The following MAGI2 variants were observed in gnomAD, a reference collection of about 807,000 sequenced individuals.
The protein encoded by MAGI2 is membrane-associated guanylate kinase, WW and PDZ domain-containing protein 2.
In MAGI2, 35 loss-of-function variants were observed where a neutral mutation model predicts 133.3. The ratio of observed to expected loss-of-function variants is 0.26; its 90% confidence interval spans 0.20 to 0.35. The LOEUF (loss-of-function observed/expected upper bound fraction) is 0.35. Ranked by LOEUF, MAGI2 falls within the 10% of genes least tolerant of loss-of-function variation. The pLI is 1.00. For synonymous variants in MAGI2, 729 were observed against 710.6 expected, an observed-to-expected ratio of 1.03 and a Z score of -0.41; for missense variants, 1,636 against 1,863.4, an observed-to-expected ratio of 0.88 and a Z score of 2.25.
intron 21 of MAGI2, among the ~76,000 whole-genome samples, chr7:78,070,552 G>T (rs542983474): frequency 4.7e-5 from 5 of 106,210 alleles, no homozygotes; most frequent in Non-Finnish European, 9.7e-5. Flanking sequence ...GTATATATGT[G>T]TATATATGTA....
intron 1 of MAGI2, among the ~76,000 whole-genome samples, chr7:79,331,441 G>A (rs889373499): frequency 6.6e-6 from 1 of 151,998 alleles, no homozygotes; most frequent in African/African-American, 2.4e-5. Flanking sequence ...AAATACCAAC[G>A]TAGACATTTG....
At chr7:78,534,692 T>C (rs74686970) in intron 3 of MAGI2, among the ~76,000 whole-genome samples, 7,115 of 152,308 alleles carry the variant, frequency 0.047, 651 homozygotes, top group East Asian at 0.41. Flanking sequence ...GTAGAACTGA[T>C]AGCAGGTTTA....
At chr7:79,121,344 C>A (rs1469327896) in intron 1 of MAGI2, among the ~76,000 whole-genome samples, 1 of 152,068 alleles carries the variant, frequency 6.6e-6, no homozygotes, top group Non-Finnish European at 1.5e-5. Context: ...CTCTTGTATG[C>A]TTTACTTGGT....
At chr7:79,111,266 T>C (rs950942338) in intron 1 of MAGI2, among the ~76,000 whole-genome samples, 1 of 152,226 alleles carries the variant, frequency 6.6e-6, no homozygotes, top group African/African-American at 2.4e-5. Flanking sequence ...TTATTTTAAC[T>C]TGATTTGAAA....
chr7:78,506,879 G>A (rs1795137996), intron 4 of MAGI2, among the ~76,000 whole-genome samples: 1 of 152,164 alleles, frequency 6.6e-6, no homozygotes, highest in Non-Finnish European at 1.5e-5. Context: ...TCCTTCTACT[G>A]TATAATACCA....
chr7:78,229,858 T>C (rs1183749077), intron 10 of MAGI2, among the ~76,000 whole-genome samples: 1 of 152,058 alleles, frequency 6.6e-6, no homozygotes, highest in Non-Finnish European at 1.5e-5. Flanking sequence ...AGATGAAAAC[T>C]GAGACTCCAG....
chr7:79,151,896 A>T (rs1823283193), intron 1 of MAGI2, among the ~76,000 whole-genome samples: 1 of 70,464 alleles, frequency 1.4e-5, no homozygotes, highest in Non-Finnish European at 5.4e-5. Flanking sequence ...AGGTGTCTAA[A>T]GTCCAGAAAT....
chr7:78,805,047 G>A (rs1364103852), intron 2 of MAGI2, among the ~76,000 whole-genome samples: 8 of 149,348 alleles, frequency 5.4e-5, no homozygotes, highest in Non-Finnish European at 1.0e-4. Context: ...CAGCCTGGGC[G>A]ACAGCAAGAC....
rs1176426138 is a variant in MAGI2 at position 79,416,725 on chromosome 7, C to CTTTT, written c.301+36291_301+36294dup. 2.5e-4 allele frequency among the ~76,000 whole-genome samples: 26 copies of CTTTT among 102,462 alleles called. 11 individuals are homozygous for CTTTT. The highest frequency in any genetic ancestry group is 6.4e-4 in the East Asian group (2 of 3,134). 67.2% of individuals were successfully genotyped at this position (102,462 alleles called of 152,430 possible). On this transcript the variant is annotated intron_variant, in intron 1 of 21. Transcript: ENST00000354212. Reference sequence around the variant, plus strand: ...TTCTTTTTTCTTTTCTTTTCTTTTTCTTTTTCTTTTTTTTTTTTTGAGGTG... The same window carrying CTTTT: ...TTCTTTTTTCTTTTCTTTTCTTTTTCTTTTTTTTTCTTTTTTTTTTTTTGAGGTG...
chr7:79,362,231 G>A (rs1842420301), intron 1 of MAGI2, among the ~76,000 whole-genome samples: 1 of 151,898 alleles, frequency 6.6e-6, no homozygotes, highest in Non-Finnish European at 1.5e-5. Context: ...AGATAGTAAG[G>A]AAATGCTATG....
At chr7:79,235,277 G>A (rs554536679) in intron 1 of MAGI2, among the ~76,000 whole-genome samples, 106 of 152,326 alleles carry the variant, frequency 7.0e-4, no homozygotes, top group Non-Finnish European at 1.1e-3. Flanking sequence ...CAGAGGTGGA[G>A]CCTAGAGAGG....
intron 3 of MAGI2, among the ~76,000 whole-genome samples, chr7:78,597,574 G>A (rs866728615): frequency 3.4e-4 from 52 of 152,242 alleles, no homozygotes; most frequent in African/African-American, 1.2e-3. Flanking sequence ...GAGAAATAAA[G>A]GGAAAGGCAG....
chr7:79,308,469 AC>A (rs1837997755), intron 1 of MAGI2, among the ~76,000 whole-genome samples: 1 of 152,120 alleles, frequency 6.6e-6, no homozygotes. Flanking sequence ...CCCTTCCTCC[AC>A]ATCAGTGGCC....
chr7:78,972,173 T>A (rs985405837), intron 2 of MAGI2, among the ~76,000 whole-genome samples: 9 of 151,924 alleles, frequency 5.9e-5, no homozygotes, highest in Admixed American at 2.0e-4. Context: ...AAAAGAGCCA[T>A]CAGACTTAAT....
At chr7:78,928,407 T>TAA (rs58577482) in intron 2 of MAGI2, among the ~76,000 whole-genome samples, 1 of 148,176 alleles carries the variant, frequency 6.7e-6, no homozygotes, top group Admixed American at 6.8e-5. Flanking sequence ...ACTAATTAAT[T>TAA]AAAAAAAAAA....
chr7:78,348,649 C>T (rs1562866818), intron 7 of MAGI2, among the ~76,000 whole-genome samples: 1 of 152,096 alleles, frequency 6.6e-6, no homozygotes, highest in Non-Finnish European at 1.5e-5. Context: ...AAGCATTTAT[C>T]CTTTAAGTAA....
chr7:78,385,736 GAA>G (rs1222396026), intron 6 of MAGI2, among the ~76,000 whole-genome samples: 1 of 152,096 alleles, frequency 6.6e-6, no homozygotes, highest in African/African-American at 2.4e-5. Context: ...ACGTTGACTT[GAA>G]AGAACATAAG....
At chr7:78,799,699 G>C (rs1015414462) in intron 2 of MAGI2, among the ~76,000 whole-genome samples, 1 of 152,138 alleles carries the variant, frequency 6.6e-6, no homozygotes, top group Admixed American at 6.6e-5. Context: ...CAGTTTTAAA[G>C]TAGTAAGTCT....
intron 2 of MAGI2, among the ~76,000 whole-genome samples, chr7:78,715,752 T>A (rs1429457603): frequency 8.1e-6 from 1 of 122,858 alleles, no homozygotes; most frequent in Non-Finnish European, 1.8e-5. Context: ...TTGTTTTAGA[T>A]AATAAGATAG....
Sources: gnomAD v4.1 joint callset for allele counts (sites outside exome capture counted in the v4.1 genomes callset) on GRCh38, gnomAD v4.1.1 for gene constraint, MANE v1.5 for transcripts, NCBI Gene and HGNC (gene_info 2026-07-23, HGNC 2026-07-21) for gene names.